ST7: variants seen among roughly 807,000 people sequenced by gnomAD.
ST7 encodes the protein suppression of tumorigenicity 7, also known as suppressor of tumorigenicity 7 protein.
A neutral mutation model predicts 78.7 loss-of-function variants in ST7; 28 were observed. That is an observed-to-expected ratio of 0.36 (90% CI 0.26 to 0.49). The LOEUF (loss-of-function observed/expected upper bound fraction) is 0.49. Among genes scored for constraint, ST7 ranks in the 20% least tolerant of loss-of-function variants. ST7 has a pLI of 0.99. For synonymous variants in ST7, 247 were observed against 249.6 expected (o/e 0.99, Z 0.10); for missense variants, 418 against 696.0 (o/e 0.60, Z 4.49).
rs781519197 is a variant in ST7, at chr7:117,170,994, T to G, written c.1078+18T>G. On this transcript the variant is annotated intron_variant, in intron 10 of 15. Coordinates refer to ENST00000323984, the MANE Select transcript of ST7 (RefSeq NM_001369598.1). ...GTATGATGGTAAGTTCTTGGGTATT[T>G]TTATTTACTTGACTATTCCTCTTTT... is the stretch of plus-strand genomic sequence containing the variant. 9 of 1,506,736 alleles carry G rather than the reference T, an allele frequency of 6.0e-6. No individual in the cohort carries two copies. The highest frequency in any genetic ancestry group is 7.3e-6 in the Non-Finnish European group (8 of 1,095,194). The allele number at this position is 1,506,736 out of a possible 1,614,324, so 93.3% of individuals were successfully genotyped here. A position where few individuals can be genotyped will look rare whatever the true frequency, so the allele number is the denominator to read the frequency against.
intron 1 of ST7, among the ~76,000 whole-genome samples, chr7:117,087,297 A>C (rs1269015198): frequency 6.6e-6 from 1 of 152,204 alleles, no homozygotes; most frequent in Non-Finnish European, 1.5e-5. Flanking sequence ...AATAGAATAG[A>C]AAATAGATTT....
intron 1 of ST7, among the ~76,000 whole-genome samples, chr7:117,035,149 T>C (rs1280927120): frequency 3.7e-5 from 5 of 134,922 alleles, no homozygotes; most frequent in African/African-American, 5.6e-5. Flanking sequence ...TTTAAAGATA[T>C]AAAATACACA....
chr7:117,119,638 T>G lies in ST7; in HGVS notation c.312T>G (p.Leu104=), dbSNP rs1335046133. Residue 104 remains leucine, a synonymous_variant, in exon 3 of 16, where the codon CTT becomes CTG. Transcript: ENST00000323984. Reference sequence around the variant, plus strand: ...TCTCAGTAAGCCACTTGCGCCCCCTTCTGGGAGGGGTTGACAACAACTCTT... The same window carrying G: ...TCTCAGTAAGCCACTTGCGCCCCCTGCTGGGAGGGGTTGACAACAACTCTT... ...EQVSVSHLRP[L]LGGVDNNSSN... 2.5e-6 allele frequency: 4 copies of G among 1,613,798 alleles called. No homozygotes were observed. The East Asian group carries it at 8.9e-5, about 36-fold the overall frequency.
chr7:117,081,993 GCAGGCTGGAACTCTTGTGT>G (rs1241447504), intron 1 of ST7, among the ~76,000 whole-genome samples: 6 of 152,124 alleles, frequency 3.9e-5, no homozygotes, highest in Admixed American at 3.3e-4. Flanking sequence ...ATCAGGAAGG[GCAGGCTGGAACTCTTGTGT>G]CTAAGCTGAA....
At chr7:117,006,233 T>C (rs1305856084) in intron 1 of ST7, among the ~76,000 whole-genome samples, 1 of 152,248 alleles carries the variant, frequency 6.6e-6, no homozygotes, top group East Asian at 1.9e-4. Flanking sequence ...AGAGCAGTTG[T>C]TATGAATCTG....
intron 1 of ST7, among the ~76,000 whole-genome samples, chr7:116,958,225 T>C (rs1229353008): frequency 7.2e-6 from 1 of 138,614 alleles, no homozygotes. Flanking sequence ...ACTCCTGGGC[T>C]CAAGCAGTCC....
intron 2 of ST7, among the ~76,000 whole-genome samples, chr7:117,103,552 G>A (rs770994880): frequency 1.3e-5 from 2 of 152,192 alleles, no homozygotes; most frequent in Non-Finnish European, 2.9e-5. Flanking sequence ...ACCATATGTT[G>A]AAGAATGAAG....
intron 1 of ST7, among the ~76,000 whole-genome samples, chr7:116,962,520 G>A (rs1792885138): frequency 6.6e-6 from 1 of 152,090 alleles, no homozygotes; most frequent in Non-Finnish European, 1.5e-5. Context: ...GTTTTGATTT[G>A]CATTTCTGTA....
At chr7:117,025,925 G>A (rs893040250) in intron 1 of ST7, among the ~76,000 whole-genome samples, 1 of 152,062 alleles carries the variant, frequency 6.6e-6, no homozygotes, top group African/African-American at 2.4e-5. Context: ...AATATGCAAT[G>A]GTTATTTTTA....
At chr7:116,968,370 T>C (rs922727274) in intron 1 of ST7, 1 of 428,054 alleles carries the variant, frequency 2.3e-6, no homozygotes, top group Non-Finnish European at 4.7e-6. Context: ...TTCCTTCTTC[T>C]TCCTTCTTTT....
At chr7:117,110,248 C>T (rs1236512831) in intron 2 of ST7, among the ~76,000 whole-genome samples, 2 of 152,164 alleles carry the variant, frequency 1.3e-5, no homozygotes. Context: ...AAAAAAAGAA[C>T]TTTTCTGGAT....
chr7:117,230,159 C>A lies in ST7; in HGVS notation c.*302C>A. ...TAAAATTGTTGATGTCCCAAATAAA[C>A]CTTTGGATTTACCTTGAGTTTCCTG... is the stretch of plus-strand genomic sequence containing the variant. On this transcript the variant is annotated 3_prime_UTR_variant, in exon 16 of 16. Coordinates refer to ENST00000323984, the MANE Select transcript of ST7 (RefSeq NM_001369598.1). 2 of 484,956 alleles carry A rather than the reference C, an allele frequency of 4.1e-6. No homozygotes were observed. Among genetic ancestry groups the A allele is most frequent in the Admixed American group, 5.9e-5 (2 of 33,724 alleles). 30.0% of individuals were successfully genotyped at this position (484,956 alleles called of 1,614,324 possible). A position where few individuals can be genotyped will look rare whatever the true frequency, so the allele number is the denominator to read the frequency against.
intron 13 of ST7, among the ~76,000 whole-genome samples, chr7:117,214,533 C>T (rs1414144897): frequency 6.6e-6 from 1 of 152,162 alleles, no homozygotes; most frequent in Non-Finnish European, 1.5e-5. Context: ...ACCTTTTGAA[C>T]TACCAAAGAG....
chr7:116,955,648 G>A (rs1271583810), intron 1 of ST7, among the ~76,000 whole-genome samples: 1 of 152,104 alleles, frequency 6.6e-6, no homozygotes, highest in East Asian at 1.9e-4. Flanking sequence ...ATATACATTT[G>A]TATATCACAT....
chr7:117,067,990 C>G (rs967245228), intron 1 of ST7, among the ~76,000 whole-genome samples: 1 of 152,138 alleles, frequency 6.6e-6, no homozygotes, highest in African/African-American at 2.4e-5. Context: ...CTATTTCATG[C>G]TTACATATTA....
At chr7:117,157,539 C>T (rs1412307142) in intron 9 of ST7, among the ~76,000 whole-genome samples, 1 of 152,116 alleles carries the variant, frequency 6.6e-6, no homozygotes. Flanking sequence ...TCAGCATGAC[C>T]CTGTCATGAG....
chr7:116,983,594 T>A (rs1216161466), intron 1 of ST7, among the ~76,000 whole-genome samples: 1 of 152,120 alleles, frequency 6.6e-6, no homozygotes, highest in Admixed American at 6.5e-5. Flanking sequence ...GCCTGCCCCC[T>A]GTTCTTATAC....
chr7:117,209,015 C>T (rs187353909), intron 12 of ST7, among the ~76,000 whole-genome samples: 1 of 151,538 alleles, frequency 6.6e-6, no homozygotes, highest in Admixed American at 6.6e-5. Flanking sequence ...ATAAAATAAC[C>T]TTCAAAAATT....
At chr7:117,042,983 C>G (rs1015137475) in intron 1 of ST7, among the ~76,000 whole-genome samples, 2 of 151,898 alleles carry the variant, frequency 1.3e-5, no homozygotes, top group Non-Finnish European at 2.9e-5. Flanking sequence ...AATTTTTTTA[C>G]TTGAAGTTTT....
Sources: allele counts gnomAD v4.1 joint callset (sites outside exome capture counted in the v4.1 genomes callset), GRCh38; gene constraint gnomAD v4.1.1; transcripts MANE v1.5; gene names NCBI Gene and HGNC (gene_info 2026-07-23, HGNC 2026-07-21).